The following ARHGAP24 variants were observed in gnomAD, a reference collection of about 807,000 sequenced individuals.
ARHGAP24 encodes the protein rho GTPase-activating protein 24.
In ARHGAP24, 50 loss-of-function variants were observed where a neutral mutation model predicts 76.4. That is an observed-to-expected ratio of 0.65 (90% confidence interval 0.52 to 0.83). The LOEUF (loss-of-function observed/expected upper bound fraction) is 0.83. Among genes scored for constraint, ARHGAP24 ranks in the 40% least tolerant of loss-of-function variants. The pLI is 0.00. For missense variants in ARHGAP24, 930 were observed against 914.2 expected, an observed-to-expected ratio of 1.02 and a Z score of -0.22; for synonymous variants, 345 against 323.3, an observed-to-expected ratio of 1.07 and a Z score of -0.72.
In ARHGAP24 at chr4:85,525,180, C is replaced by G. The variant is rs528801049; in HGVS notation, c.-20-45342C>G. Among the ~76,000 whole-genome samples the G allele has an allele frequency of 7.3e-5, 11 of 150,540 alleles. No individual in the cohort carries two copies. In the South Asian group the frequency reaches 2.3e-3, roughly 32 times the overall value. ...ATTGCAGTATTATTTATATGATATT[C>G]AAAAATTAATTGGACTTTTCTGTTT... is the stretch of plus-strand genomic sequence containing the variant. On this transcript the variant is annotated intron_variant, in intron 1 of 9. Transcript: ENST00000395184.
intron 5 of ARHGAP24, among the ~76,000 whole-genome samples, chr4:85,955,824 C>G (rs1321588553): frequency 6.6e-6 from 1 of 152,170 alleles, no homozygotes; most frequent in Non-Finnish European, 1.5e-5. Context: ...AAACCATATG[C>G]TATTGTGAGA....
In ARHGAP24 at chr4:85,569,728, G is replaced by A. The variant is rs72979932; in HGVS notation, c.-20-794G>A. Among the ~76,000 whole-genome samples, 1,209 of 152,260 alleles carry A rather than the reference G, an allele frequency of 7.9e-3. 19 individuals are homozygous for A. Among genetic ancestry groups the A allele is most frequent in the African/African-American group, 0.026 (1,099 of 41,546 alleles). Reference sequence around the variant, plus strand: ...TTCTCTTAAACTTTTTCAGCTGTACGAATCCCTGACCAGCCAAAGAAATTG... The same window carrying A: ...TTCTCTTAAACTTTTTCAGCTGTACAAATCCCTGACCAGCCAAAGAAATTG... On this transcript the variant is annotated intron_variant, in intron 1 of 9. Coordinates refer to ENST00000395184, the MANE Select transcript of ARHGAP24 (RefSeq NM_001025616.3).
intron 1 of ARHGAP24, among the ~76,000 whole-genome samples, chr4:85,505,079 T>C (rs4362813): frequency 0.97 from 147,360 of 152,276 alleles, 71,494 homozygotes; most frequent in East Asian, 1. Context: ...AGGGTTTCTG[T>C]GGAGAGATCT....
chr4:85,736,730 A>T (rs1725621682), intron 3 of ARHGAP24, among the ~76,000 whole-genome samples: 1 of 152,162 alleles, frequency 6.6e-6, no homozygotes, highest in South Asian at 2.1e-4. Context: ...TTTCTGCTGT[A>T]TCTCTTAGGC....
intron 2 of ARHGAP24, among the ~76,000 whole-genome samples, chr4:85,575,339 C>T (rs1449425215): frequency 1.3e-5 from 2 of 152,132 alleles, no homozygotes; most frequent in African/African-American, 4.8e-5. Flanking sequence ...ATTCTTGTCA[C>T]TCACAGGCCA....
chr4:85,516,787 C>T (rs1327894960), intron 1 of ARHGAP24, among the ~76,000 whole-genome samples: 3 of 151,916 alleles, frequency 2.0e-5, no homozygotes, highest in South Asian at 4.2e-4. Context: ...CTCCCTGCCC[C>T]CAACTTTTAA....
chr4:85,763,551 G>A (rs1355562205), intron 3 of ARHGAP24, among the ~76,000 whole-genome samples: 1 of 152,158 alleles, frequency 6.6e-6, no homozygotes, highest in Non-Finnish European at 1.5e-5. Context: ...CAGTAAGAAT[G>A]TAGAGGAGCC....
chr4:85,488,427 A>G (rs1029846888), intron 1 of ARHGAP24, among the ~76,000 whole-genome samples: 2 of 152,192 alleles, frequency 1.3e-5, no homozygotes, highest in African/African-American at 4.8e-5. Flanking sequence ...CAGTCCAATA[A>G]CAAATTAAAA....
intron 2 of ARHGAP24, among the ~76,000 whole-genome samples, chr4:85,655,202 T>A (rs1722093732): frequency 6.6e-6 from 1 of 152,150 alleles, no homozygotes; most frequent in South Asian, 2.1e-4. Flanking sequence ...GCTAATTACA[T>A]TTGGGAGCAT....
At chr4:85,552,295 G>T (rs1726171891) in intron 1 of ARHGAP24, among the ~76,000 whole-genome samples, 1 of 152,140 alleles carries the variant, frequency 6.6e-6, no homozygotes, top group African/African-American at 2.4e-5. Flanking sequence ...AGGTCATTCA[G>T]GAGCAGGTTG....
intron 2 of ARHGAP24, among the ~76,000 whole-genome samples, chr4:85,611,348 A>T (rs752731561): frequency 6.6e-6 from 1 of 152,222 alleles, no homozygotes; most frequent in Non-Finnish European, 1.5e-5. Context: ...GTGTGGATAA[A>T]CTAATATGCA....
At chr4:85,666,415 T>G (rs541384192) in intron 2 of ARHGAP24, among the ~76,000 whole-genome samples, 2 of 152,310 alleles carry the variant, frequency 1.3e-5, no homozygotes, top group South Asian at 4.1e-4. Flanking sequence ...TTCAAAATTT[T>G]TAACTTCTTT....
intron 3 of ARHGAP24, among the ~76,000 whole-genome samples, chr4:85,886,518 C>T (rs1733576765): frequency 6.6e-6 from 1 of 152,076 alleles, no homozygotes; most frequent in Admixed American, 6.6e-5. Flanking sequence ...TATGGAATCA[C>T]CACTAAAATA....
chr4:85,660,024 G>T (rs1393644698), intron 2 of ARHGAP24, among the ~76,000 whole-genome samples: 1 of 152,174 alleles, frequency 6.6e-6, no homozygotes, highest in Non-Finnish European at 1.5e-5. Flanking sequence ...AGGGGGAGTT[G>T]CCCTTATCAC....
intron 2 of ARHGAP24, among the ~76,000 whole-genome samples, chr4:85,634,930 C>G (rs1721267418): frequency 6.6e-6 from 1 of 151,616 alleles, no homozygotes; most frequent in South Asian, 2.1e-4. Context: ...CTTATTCATC[C>G]TCAAAGCCTA....
intron 1 of ARHGAP24, among the ~76,000 whole-genome samples, chr4:85,537,505 A>G (rs750482910): frequency 1.6e-4 from 25 of 152,222 alleles, no homozygotes; most frequent in Non-Finnish European, 2.2e-4. Context: ...AGATTCCTGT[A>G]GGGAAAAGTA....
intron 3 of ARHGAP24, among the ~76,000 whole-genome samples, chr4:85,885,480 A>G (rs1352798759): frequency 6.6e-6 from 1 of 152,150 alleles, no homozygotes; most frequent in African/African-American, 2.4e-5. Flanking sequence ...ATCTCAGATA[A>G]TAAAATTAGG....
intron 3 of ARHGAP24, among the ~76,000 whole-genome samples, chr4:85,844,471 C>A (rs1395562244): frequency 6.6e-6 from 1 of 152,172 alleles, no homozygotes; most frequent in Non-Finnish European, 1.5e-5. Context: ...AATAAAAATA[C>A]CTTTAGTCTT....
At chr4:85,775,083 T>C (rs1727262699) in intron 3 of ARHGAP24, among the ~76,000 whole-genome samples, 1 of 152,066 alleles carries the variant, frequency 6.6e-6, no homozygotes, top group African/African-American at 2.4e-5. Flanking sequence ...GGATAATAAG[T>C]AAGGAAGAAC....
Sources: gnomAD v4.1 joint callset for allele counts (sites outside exome capture counted in the v4.1 genomes callset) on GRCh38, gnomAD v4.1.1 for gene constraint, MANE v1.5 for transcripts, NCBI Gene and HGNC (gene_info 2026-07-23, HGNC 2026-07-21) for gene names.